The following GK variants were observed in gnomAD, a reference collection of about 807,000 sequenced individuals.
The protein encoded by GK is glycerol kinase.
In GK, 9 loss-of-function variants were observed where a neutral mutation model predicts 56.4. The ratio of observed to expected loss-of-function variants is 0.16; its 90% CI spans 0.10 to 0.28. The LOEUF is 0.28. Ranked by LOEUF, GK falls within the 10% of genes least tolerant of loss-of-function variation. The pLI, the probability that GK is intolerant of heterozygous loss-of-function variation, is 1.00. For synonymous variants in GK, 104 were observed against 144.1 expected (o/e 0.72, Z 1.99); for missense variants, 161 against 431.4 (o/e 0.37, Z 5.55).
At chrX:30,654,295 C>T (rs192424859) in intron 1 of GK, among the ~76,000 whole-genome samples, 1 of 112,323 alleles carries the variant, frequency 8.9e-6, no homozygotes, top group Non-Finnish European at 1.9e-5. Flanking sequence ...CAGCATAATG[C>T]GACACGGAAA....
At chrX:30,675,900 C>T (rs1933866564) in intron 3 of GK, among the ~76,000 whole-genome samples, 1 of 111,217 alleles carries the variant, frequency 9.0e-6, no homozygotes, top group Non-Finnish European at 1.9e-5. Flanking sequence ...AGGGATTCTC[C>T]TGCCTCAGCC....
intron 4 of GK, chrX:30,689,522 T>C (rs1229608821): frequency 3.0e-6 from 1 of 331,538 alleles, no homozygotes; most frequent in Admixed American, 3.1e-5. Context: ...ACTCAGACAG[T>C]ATCACCTGCA....
At chrX:30,675,513 ATTC>A (rs1278364774) in intron 3 of GK, among the ~76,000 whole-genome samples, 6 of 101,763 alleles carry the variant, frequency 5.9e-5, no homozygotes, top group Non-Finnish European at 9.9e-5. Context: ...AATGATTTTT[ATTC>A]TTCTTTTTTT....
At chrX:30,680,203 C>A (rs1020216224) in intron 4 of GK, among the ~76,000 whole-genome samples, 1 of 111,558 alleles carries the variant, frequency 9.0e-6, no homozygotes. Flanking sequence ...GATAATAATA[C>A]TCAGTAAGTG....
At chrX:30,710,436 A>AT (rs1437931061) in intron 13 of GK, among the ~76,000 whole-genome samples, 13 of 110,655 alleles carry the variant, frequency 1.2e-4, no homozygotes, top group Admixed American at 9.6e-4. Context: ...TGTTTTCTTA[A>AT]TTTTTTTTTA....
At chrX:30,707,296 C>T (rs1324750782) in intron 11 of GK, among the ~76,000 whole-genome samples, 1 of 105,747 alleles carries the variant, frequency 9.5e-6, no homozygotes, top group Non-Finnish European at 1.9e-5. Context: ...CGCCACTGCA[C>T]TCCAGCCTGG....
chrX:30,694,867 G>A (rs1474222025), intron 6 of GK, among the ~76,000 whole-genome samples: 2 of 111,713 alleles, frequency 1.8e-5, no homozygotes, highest in Non-Finnish European at 3.8e-5. Flanking sequence ...TGTCTTAGAC[G>A]AAATAACTAT....
In GK at chrX:30,654,142, A is replaced by G. The variant is rs1235311365; in HGVS notation, c.78+527A>G. Reference sequence around the variant, plus strand: ...CCATAAAAATTGCAGAGGGTTGAATACTGGGGAGGGTGGCAGAACAAATTA... The same window carrying G: ...CCATAAAAATTGCAGAGGGTTGAATGCTGGGGAGGGTGGCAGAACAAATTA... On this transcript the variant is annotated intron_variant, in intron 1 of 20. Transcript: ENST00000427190. Among the ~76,000 whole-genome samples the G allele has an allele frequency of 5.3e-5, 6 of 112,377 alleles. 1 individual carries two copies. The highest frequency in any genetic ancestry group is 9.4e-5 in the Non-Finnish European group (5 of 53,277).
At chrX:30,666,869 A>G (rs910442577) in intron 2 of GK, among the ~76,000 whole-genome samples, 1 of 112,030 alleles carries the variant, frequency 8.9e-6, no homozygotes, top group African/African-American at 3.2e-5. Context: ...AATAAATTAG[A>G]GACGACTTGG....
chrX:30,724,233 T>C, intron 19 of GK, 52 bp downstream of exon 19: 1 of 748,115 alleles, frequency 1.3e-6, no homozygotes, highest in Non-Finnish European at 2.1e-6. Context: ...TATTAAATAG[T>C]TATTTAAGTA....
intron 11 of GK, among the ~76,000 whole-genome samples, chrX:30,701,744 G>C (rs893019966): frequency 8.9e-6 from 1 of 112,367 alleles, no homozygotes; most frequent in Non-Finnish European, 1.9e-5. Flanking sequence ...AAGAATGATA[G>C]AAGTAGAGAT....
At chrX:30,688,198 G>A (rs1333051614) in intron 4 of GK, among the ~76,000 whole-genome samples, 1 of 111,474 alleles carries the variant, frequency 9.0e-6, no homozygotes, top group African/African-American at 3.3e-5. Context: ...TTGTGGTAAG[G>A]ATTTAACTCT....
At chrX:30,684,750 A>C (rs1275275229) in intron 4 of GK, among the ~76,000 whole-genome samples, 2 of 107,626 alleles carry the variant, frequency 1.9e-5, no homozygotes, top group Non-Finnish European at 3.8e-5. Context: ...TAACACTTTT[A>C]GGATATTAAA....
At chrX:30,673,212 A>C (rs1933658925) in intron 3 of GK, among the ~76,000 whole-genome samples, 1 of 112,261 alleles carries the variant, frequency 8.9e-6, no homozygotes. Context: ...TAAAGTATGA[A>C]GCTGGTAAAT....
Position 30,724,147 on chromosome X carries a change from A to T in GK, c.1548A>T (p.Ser516=), listed in dbSNP as rs377416052. ...CATGGAAGAAAGCTGTGATGAAGTCAATGGGTTGGGTTACAACTCAATCTC... is the reference window on the plus strand; with the variant it reads ...CATGGAAGAAAGCTGTGATGAAGTCTATGGGTTGGGTTACAACTCAATCTC... ...YSTWKKAVMK[S]MGWVTTQSPE... Residue 516 remains serine (S), a synonymous_variant, in exon 19 of 21, where the codon TCA becomes TCT. Transcript: ENST00000427190. 27 of 1,178,497 alleles carry T rather than the reference A, an allele frequency of 2.3e-5. No homozygotes were observed. Among genetic ancestry groups the T allele is most frequent in the Middle Eastern group, 5.3e-4 (2 of 3,763 alleles).
At chrX:30,725,175 A>G (rs1195424861) in intron 19 of GK, among the ~76,000 whole-genome samples, 1 of 111,288 alleles carries the variant, frequency 9.0e-6, no homozygotes, top group African/African-American at 3.3e-5. Flanking sequence ...GAGCCACTGC[A>G]CCTGGCTTGA....
chrX:30,698,866 C>CAAAAAAAAAAAAAAAAA (rs386416832), intron 9 of GK, among the ~76,000 whole-genome samples: 1 of 43,339 alleles, frequency 2.3e-5, no homozygotes, highest in Non-Finnish European at 3.9e-5. Flanking sequence ...AACTCCATCT[C>CAAAAAAAAAAAAAAAAA]AAAAAAAAAA....
intron 1 of GK, among the ~76,000 whole-genome samples, chrX:30,662,355 C>T (rs1023244244): frequency 3.6e-5 from 4 of 112,046 alleles, no homozygotes; most frequent in Non-Finnish European, 7.5e-5. Flanking sequence ...ATTGGACAGG[C>T]TACATACACT....
intron 13 of GK, among the ~76,000 whole-genome samples, chrX:30,710,423 C>A (rs1936259402): frequency 9.0e-6 from 1 of 111,421 alleles, no homozygotes; most frequent in South Asian, 3.7e-4. Flanking sequence ...GAATTTTTTT[C>A]TTTGTTTTCT....
Sources: gnomAD v4.1 joint callset for allele counts (sites outside exome capture counted in the v4.1 genomes callset) on GRCh38, gnomAD v4.1.1 for gene constraint, MANE v1.5 for transcripts, NCBI Gene and HGNC (gene_info 2026-07-23, HGNC 2026-07-21) for gene names.